The following MNAT1 variants were observed in gnomAD, a reference collection of about 807,000 sequenced individuals.
The protein encoded by MNAT1 is CDK-activating kinase assembly factor MAT1.
A neutral mutation model predicts 42.0 loss-of-function variants in MNAT1; 43 were observed. The ratio of observed to expected loss-of-function variants is 1.02; its 90% CI spans 0.80 to 1.32. MNAT1 has a LOEUF of 1.32. Ranked by LOEUF, MNAT1 falls within the 40% of genes most tolerant of loss-of-function variation. The pLI is 0.00. For synonymous variants in MNAT1, 118 were observed against 120.0 expected (o/e 0.98, Z 0.11); for missense variants, 306 against 350.4 (o/e 0.87, Z 1.01).
chr14:60,818,736 C>T lies in MNAT1; in HGVS notation c.576C>T (p.Leu192=). The T allele has an allele frequency of 6.2e-7, 1 of 1,609,918 alleles. No homozygotes were observed. Among genetic ancestry groups the T allele is most frequent in the African/African-American group, 1.3e-5 (1 of 74,972 alleles). Residue 192 remains leucine, a synonymous_variant, in exon 6 of 8, where the codon CTC becomes CTT. Coordinates refer to ENST00000261245, the MANE Select transcript of MNAT1 (RefSeq NM_002431.4). ...AFLDELESSD[L]PVALLLAQHK... ...TATTCTTACAGGAGAGTTCTGATCT[C>T]CCTGTTGCTCTGCTTTTGGCTCAGC...
intron 6 of MNAT1, among the ~76,000 whole-genome samples, chr14:60,825,825 A>G (rs187099403): frequency 1.1e-4 from 17 of 152,272 alleles, no homozygotes; most frequent in Admixed American, 8.5e-4. Flanking sequence ...TAGGTAATTT[A>G]AGGGGCAGGA....
intron 7 of MNAT1, among the ~76,000 whole-genome samples, chr14:60,937,481 T>C (rs1481143613): frequency 2.0e-5 from 3 of 152,230 alleles, no homozygotes; most frequent in Non-Finnish European, 2.9e-5. Context: ...TGTTATTAAA[T>C]AGGGAATCCT....
In MNAT1 at chr14:60,948,169, G is replaced by A. The variant is rs190461154; in HGVS notation, c.810-20060G>A. On this transcript the variant is annotated intron_variant, in intron 7 of 7. Coordinates refer to ENST00000261245, the MANE Select transcript of MNAT1 (RefSeq NM_002431.4). ...GAAGGGGCTGAGCATGGTGACTCACGCCTGTAATCTCAGCGCTTACCAAGG... is the reference window on the plus strand; with the variant it reads ...GAAGGGGCTGAGCATGGTGACTCACACCTGTAATCTCAGCGCTTACCAAGG... 1.3e-4 allele frequency among the ~76,000 whole-genome samples: 20 copies of A among 152,238 alleles called. No individual in the cohort carries two copies. The East Asian group carries it at 3.3e-3, about 25-fold the overall frequency.
chr14:60,888,378 C>G (rs2034738215), intron 7 of MNAT1, among the ~76,000 whole-genome samples: 1 of 151,958 alleles, frequency 6.6e-6, no homozygotes, highest in African/African-American at 2.4e-5. Context: ...TGCAGAAAAG[C>G]CTTTGACAAA....
chr14:60,790,872 A>G (rs937152204), intron 1 of MNAT1, among the ~76,000 whole-genome samples: 6 of 152,104 alleles, frequency 3.9e-5, no homozygotes, highest in African/African-American at 4.8e-5. Flanking sequence ...TTTTCTTTCT[A>G]TGTTCCTTCA....
chr14:60,767,682 C>G (rs2030884180), intron 1 of MNAT1, among the ~76,000 whole-genome samples: 1 of 152,058 alleles, frequency 6.6e-6, no homozygotes, highest in South Asian at 2.1e-4. Context: ...CTCATCGCAA[C>G]CTCTGCCTGC....
chr14:60,954,910 T>C (rs560921173), intron 7 of MNAT1, among the ~76,000 whole-genome samples: 4 of 152,296 alleles, frequency 2.6e-5, no homozygotes, highest in East Asian at 1.9e-4. Flanking sequence ...ATGTAATTTG[T>C]TGATAGTTTT....
intron 1 of MNAT1, among the ~76,000 whole-genome samples, chr14:60,794,102 G>A (rs2031921210): frequency 6.6e-6 from 1 of 152,100 alleles, no homozygotes; most frequent in African/African-American, 2.4e-5. Context: ...AAGACCTTGA[G>A]ATATATTAAT....
At chr14:60,780,355 TG>T (rs1225674381) in intron 1 of MNAT1, 45 of 1,577,242 alleles carry the variant, frequency 2.9e-5, no homozygotes, top group Non-Finnish European at 3.7e-5. Flanking sequence ...CTATTCAGGA[TG>T]AAATCCGTTC....
At chr14:60,855,342 C>G (rs1257935261) in intron 6 of MNAT1, among the ~76,000 whole-genome samples, 1 of 151,946 alleles carries the variant, frequency 6.6e-6, no homozygotes, top group Non-Finnish European at 1.5e-5. Context: ...TGGTGGGGTT[C>G]CAGGTGCCAC....
chr14:60,859,245 G>A (rs1180770887), intron 6 of MNAT1, among the ~76,000 whole-genome samples: 1 of 152,136 alleles, frequency 6.6e-6, no homozygotes, highest in Non-Finnish European at 1.5e-5. Context: ...GGACTATCTT[G>A]GTAGGTCTTG....
intron 7 of MNAT1, among the ~76,000 whole-genome samples, chr14:60,917,770 G>A (rs1217997010): frequency 6.6e-6 from 1 of 151,852 alleles, no homozygotes; most frequent in Non-Finnish European, 1.5e-5. Flanking sequence ...TTACAGGTGT[G>A]TGCCACCACA....
chr14:60,883,731 TGTGTGTCCTCTTC>T (rs2034600542), intron 7 of MNAT1, among the ~76,000 whole-genome samples: 1 of 152,118 alleles, frequency 6.6e-6, no homozygotes, highest in African/African-American at 2.4e-5. Context: ...CTTTTGTGTG[TGTGTGTCCTCTTC>T]AATTTTTTGC....
intron 6 of MNAT1, among the ~76,000 whole-genome samples, chr14:60,857,909 A>AT (rs994776894): frequency 3.3e-5 from 5 of 152,070 alleles, no homozygotes; most frequent in African/African-American, 1.2e-4. Context: ...TGAACTCATC[A>AT]TTTTTTATGG....
chr14:60,803,461 G>T (rs1401229103), intron 3 of MNAT1, among the ~76,000 whole-genome samples: 2 of 152,092 alleles, frequency 1.3e-5, no homozygotes, highest in Non-Finnish European at 2.9e-5. Context: ...TTTGCATCTG[G>T]AGAAGAGGCA....
chr14:60,738,376 C>T (rs1184116469), intron 1 of MNAT1, among the ~76,000 whole-genome samples: 1 of 151,164 alleles, frequency 6.6e-6, no homozygotes, highest in African/African-American at 2.4e-5. Flanking sequence ...CTGCCTCAGA[C>T]TCCCGAGTAG....
chr14:60,810,063 G>T (rs2032496156), intron 4 of MNAT1, among the ~76,000 whole-genome samples: 1 of 151,952 alleles, frequency 6.6e-6, no homozygotes, highest in Non-Finnish European at 1.5e-5. Flanking sequence ...TCATAATTTG[G>T]TCTTGGTAGG....
At chr14:60,743,211 T>C (rs1896521858) in intron 1 of MNAT1, among the ~76,000 whole-genome samples, 1 of 152,216 alleles carries the variant, frequency 6.6e-6, no homozygotes, top group Non-Finnish European at 1.5e-5. Context: ...CTATTTACTA[T>C]CTTTGATATT....
At chr14:60,789,440 G>T (rs1306699856) in intron 1 of MNAT1, among the ~76,000 whole-genome samples, 2 of 152,120 alleles carry the variant, frequency 1.3e-5, no homozygotes, top group African/African-American at 4.8e-5. Flanking sequence ...TTGGAAAAAT[G>T]GTGCCGATAG....
Sources: allele counts gnomAD v4.1 joint callset (sites outside exome capture counted in the v4.1 genomes callset), GRCh38; gene constraint gnomAD v4.1.1; transcripts MANE v1.5; gene names NCBI Gene and HGNC (gene_info 2026-07-23, HGNC 2026-07-21).